Variants in TMEM184C observed in about 807,000 individuals in gnomAD.
TMEM184C encodes the protein transmembrane protein 34.
In TMEM184C, 25 loss-of-function variants were observed where a neutral mutation model predicts 54.5. The ratio of observed to expected loss-of-function variants is 0.46; its 90% CI spans 0.33 to 0.64. The LOEUF (loss-of-function observed/expected upper bound fraction) is 0.64, where lower values mean the gene tolerates loss of function less well. Among genes scored for constraint, TMEM184C ranks in the 30% least tolerant of loss-of-function variants. The pLI is 0.02. For synonymous variants in TMEM184C, 148 were observed against 181.5 expected (o/e 0.82, Z 1.49); for missense variants, 335 against 520.3 (o/e 0.64, Z 3.46).
At chr4:147,625,684 G>T (rs1485233905) in intron 4 of TMEM184C, among the ~76,000 whole-genome samples, 1 of 152,136 alleles carries the variant, frequency 6.6e-6, no homozygotes, top group African/African-American at 2.4e-5. Flanking sequence ...AACTGAAAAG[G>T]GGGATGAGAT....
chr4:147,623,814 A>ATGTTATTT lies in TMEM184C; in HGVS notation c.124-15_124-8dup, dbSNP rs1732760876. 6.2e-7 allele frequency: 1 copy of ATGTTATTT among 1,611,274 alleles called. No homozygotes were observed. Among genetic ancestry groups the ATGTTATTT allele is most frequent in the Non-Finnish European group, 8.5e-7 (1 of 1,178,780 alleles). ...TTTTAATATCAGAATTTATATTAAC[A>ATGTTATTT]TGTTATTTTGTTTCTTAAGGTTGGA... On this transcript the variant is annotated intron_variant, in intron 1 of 9. Transcript: ENST00000296582.
rs778827891 is a variant in TMEM184C, at chr4:147,632,956, A to G, written c.833A>G (p.His278Arg). The G allele has an allele frequency of 4.5e-5, 72 of 1,614,032 alleles. No homozygotes were observed. Among genetic ancestry groups the G allele is most frequent in the Non-Finnish European group, 5.6e-5 (66 of 1,180,000 alleles). The change falls in exon 8 of 10, where the codon CAT becomes CGT. Residue 278 changes from histidine to arginine, a missense_variant. Coordinates refer to ENST00000296582, the MANE Select transcript of TMEM184C (RefSeq NM_018241.3). ...LVKVGVISEK[H>R]TWEWQTVEAV... ...AAAGTTGGCGTTATTTCTGAAAAGCATACGTGGGAATGGCAAACTGTAGAA... is the reference window on the plus strand; with the variant it reads ...AAAGTTGGCGTTATTTCTGAAAAGCGTACGTGGGAATGGCAAACTGTAGAA...
At position 147,617,931 on chromosome 4, in the gene TMEM184C, TAA is replaced by T; in HGVS notation, c.-25_-24del. 1 of 1,613,562 alleles carries T rather than the reference TAA, an allele frequency of 6.2e-7. No homozygotes were observed. The highest frequency in any genetic ancestry group is 1.1e-5 in the South Asian group (1 of 91,042). The stretch of plus-strand genomic sequence containing the variant: ...ATCTTTTCGAGATCTTTTCCCTTGC[TAA>T]CCGGATCTGATTTGTGCGAAAACAT... On this transcript the variant is annotated 5_prime_UTR_variant, in exon 1 of 10. The change abolishes the stop of an existing upstream ORF in the 5' untranslated region. Coordinates refer to ENST00000296582, the MANE Select transcript of TMEM184C (RefSeq NM_018241.3).
At chr4:147,625,171 AAAAC>A (rs1732789972) in intron 4 of TMEM184C, among the ~76,000 whole-genome samples, 162 bp downstream of exon 4, 1 of 152,250 alleles carries the variant, frequency 6.6e-6, no homozygotes, top group Admixed American at 6.5e-5. Context: ...GAAGGCTAAC[AAAAC>A]AGTTTTGTAA....
Position 147,636,719 on chromosome 4 carries a change from T to C in TMEM184C, c.*2285T>C, listed in dbSNP as rs938979404. 2.0e-5 allele frequency: 3 copies of C among 152,070 alleles called. No homozygotes were observed. Among genetic ancestry groups the C allele is most frequent in the Admixed American group, 1.3e-4 (2 of 15,272 alleles). 9.4% of individuals were successfully genotyped at this position (152,070 alleles called of 1,614,324 possible). On this transcript the variant is annotated 3_prime_UTR_variant, in exon 10 of 10. Coordinates refer to ENST00000296582, the MANE Select transcript of TMEM184C (RefSeq NM_018241.3). ...GAGTAAAAAATATTTGTAAGGCATA[T>C]ATATGGAAAAGGGTTAGTATCCAAA...
At chr4:147,628,100 A>C (rs1732847298) in intron 4 of TMEM184C, among the ~76,000 whole-genome samples, 1 of 152,242 alleles carries the variant, frequency 6.6e-6, no homozygotes, top group Admixed American at 6.5e-5. Flanking sequence ...TCAAGGCTGC[A>C]GTAAGCCATG....
chr4:147,627,456 A>T (rs981787083), intron 4 of TMEM184C, among the ~76,000 whole-genome samples: 2 of 151,664 alleles, frequency 1.3e-5, no homozygotes, highest in Non-Finnish European at 2.9e-5. Flanking sequence ...AAATTTTGTT[A>T]TTTTTTTTGT....
chr4:147,626,589 C>T (rs1373069196), intron 4 of TMEM184C, among the ~76,000 whole-genome samples: 1 of 152,194 alleles, frequency 6.6e-6, no homozygotes, highest in Non-Finnish European at 1.5e-5. Flanking sequence ...TCTCTATTTA[C>T]ACCCTTGAAA....
chr4:147,623,935 AC>A lies in TMEM184C; in HGVS notation c.226del (p.Gln76AsnfsTer8). On this transcript the variant is annotated frameshift_variant, in exon 2 of 10. Coordinates refer to ENST00000296582, the MANE Select transcript of TMEM184C (RefSeq NM_018241.3). LOFTEE classifies it high-confidence loss of function. ...TATTGCAACACTTAGTGCATTATAC[AC>A]AACCTGAACTACAAAAACCAATAAT... ...VILQHLVHYT[Q>X]PELQKPIIRI... 1 of 1,614,084 alleles carries A rather than the reference AC, an allele frequency of 6.2e-7. No homozygotes were observed. The highest frequency in any genetic ancestry group is 8.5e-7 in the Non-Finnish European group (1 of 1,179,964).
chr4:147,634,489 C>A lies in TMEM184C; in HGVS notation c.*55C>A. On this transcript the variant is annotated 3_prime_UTR_variant, in exon 10 of 10. Coordinates refer to ENST00000296582, the MANE Select transcript of TMEM184C (RefSeq NM_018241.3). The stretch of plus-strand genomic sequence containing the variant: ...CTACATTATATCATTACCTGGTATC[C>A]CATGGATTTTGTGCTTGGGACAGAC... 3 of 1,567,570 alleles carry A rather than the reference C, an allele frequency of 1.9e-6. No homozygotes were observed. Among genetic ancestry groups the A allele is most frequent in the South Asian group, 1.2e-5 (1 of 82,352 alleles).
chr4:147,631,054 G>A (rs528760404), intron 6 of TMEM184C, among the ~76,000 whole-genome samples: 19 of 152,192 alleles, frequency 1.2e-4, no homozygotes, highest in Admixed American at 3.3e-4. Flanking sequence ...CTCATAAAAT[G>A]AGTGGTCAGA....
chr4:147,619,300 C>T (rs1283488281), intron 1 of TMEM184C, among the ~76,000 whole-genome samples: 3 of 151,954 alleles, frequency 2.0e-5, no homozygotes, highest in African/African-American at 4.8e-5. Flanking sequence ...CAGGTTCAAG[C>T]GATTCTCCTG....
chr4:147,621,631 CTT>C (rs945965543), intron 1 of TMEM184C, among the ~76,000 whole-genome samples: 1 of 151,996 alleles, frequency 6.6e-6, no homozygotes, highest in Non-Finnish European at 1.5e-5. Context: ...GTGCATGTAA[CTT>C]TTATATAGCT....
rs570542086 is a variant in TMEM184C at position 147,632,504 on chromosome 4, AT to A, written c.780-398del. On this transcript the variant is annotated intron_variant, in intron 7 of 9. Transcript: ENST00000296582. ...TTTTTATTTTGCTTAGTATTCTGTT[AT>A]GTGGATATAACTTTTTACTAATCTC... 87 of 162,520 alleles carry A rather than the reference AT, an allele frequency of 5.4e-4. 1 individual carries two copies. The highest frequency in any genetic ancestry group is 1.1e-3 in the Admixed American group (19 of 16,524). 10.1% of individuals were successfully genotyped at this position (162,520 alleles called of 1,614,324 possible). A position where few individuals can be genotyped will look rare whatever the true frequency, so the allele number is the denominator to read the frequency against.
chr4:147,624,825 G>A lies in TMEM184C; in HGVS notation c.313G>A (p.Gly105Arg), dbSNP rs769968152. Residue 105 changes from glycine (G) to arginine (R), a missense_variant, in exon 4 of 10, where the codon GGA (glycine) becomes AGA (arginine). Gly to Arg is a moderately radical substitution (Grantham distance 125). Coordinates refer to ENST00000296582, the MANE Select transcript of TMEM184C (RefSeq NM_018241.3). ...LDSWIALKYPGIAIYVDTCRE... is the reference protein window; with the variant it reads ...LDSWIALKYPRIAIYVDTCRE... ...ATAGTGGATAGCTTTGAAATATCCC[G>A]GAATTGCAATATATGTGGATACCTG... The A allele has an allele frequency of 1.8e-5, 29 of 1,613,574 alleles. No individual in the cohort carries two copies. The highest frequency in any genetic ancestry group is 6.7e-5 in the East Asian group (3 of 44,808).
chr4:147,618,100 C>A, intron 1 of TMEM184C, 21 bp downstream of exon 1: 1 of 1,613,836 alleles, frequency 6.2e-7, no homozygotes, highest in Non-Finnish European at 8.5e-7. Context: ...TCTGCACCAT[C>A]AGCCTGTACA....
intron 8 of TMEM184C, 107 bp from the exon 9 acceptor site, chr4:147,633,658 A>C: frequency 1.1e-6 from 1 of 910,846 alleles, no homozygotes; most frequent in Non-Finnish European, 1.5e-6. Flanking sequence ...AAGAAAAAAC[A>C]CAGCTGTTTA....
chr4:147,626,563 G>T (rs746399413), intron 4 of TMEM184C, among the ~76,000 whole-genome samples: 1 of 152,186 alleles, frequency 6.6e-6, no homozygotes, highest in African/African-American at 2.4e-5. Context: ...TTTGTACAAC[G>T]TCCTGACAAA....
intron 4 of TMEM184C, 90 bp downstream of exon 4, chr4:147,625,099 AT>A: frequency 3.3e-6 from 4 of 1,215,380 alleles, no homozygotes; most frequent in Admixed American, 1.9e-5. Context: ...AAGGCAGTGC[AT>A]TAAGTATTAA....
Sources: allele counts gnomAD v4.1 joint callset (sites outside exome capture counted in the v4.1 genomes callset), GRCh38; gene constraint gnomAD v4.1.1; transcripts MANE v1.5; gene names NCBI Gene and HGNC (gene_info 2026-07-23, HGNC 2026-07-21).